PCDH7: variants seen among roughly 807,000 people sequenced by gnomAD.
PCDH7 encodes the protein protocadherin-7.
Under a neutral mutation model 58.9 loss-of-function variants are expected in PCDH7, and 17 were observed. The ratio of observed to expected loss-of-function variants is 0.29; its 90% confidence interval spans 0.20 to 0.43. The LOEUF (loss-of-function observed/expected upper bound fraction) is 0.43, where lower values mean the gene tolerates loss of function less well. Ranked by LOEUF, PCDH7 falls within the 20% of genes least tolerant of loss-of-function variation. The probability of loss-of-function intolerance (pLI) is 1.00; values close to 1 mark genes in which losing one functional copy is unlikely to be tolerated. For missense variants in PCDH7, 1,274 were observed against 1,441.0 expected, an observed-to-expected ratio of 0.88 and a Z score of 1.88; for synonymous variants, 664 against 616.4, an observed-to-expected ratio of 1.08 and a Z score of -1.14.
chr4:30,721,402 TAGC>T lies in PCDH7; in HGVS notation c.-9_-7del, dbSNP rs768259538. Reference sequence around the variant, plus strand: ...AGGGGGCTGTGGTTAGAAGGAGCAGTAGCAGCAGCAGCAGGAGAAGATGCTGAG... The same window carrying T: ...AGGGGGCTGTGGTTAGAAGGAGCAGTAGCAGCAGCAGGAGAAGATGCTGAG... On this transcript the variant is annotated 5_prime_UTR_variant, in exon 1 of 2. Transcript: ENST00000361762. This position sits in a 1 kb window ranked among gnomAD's most constrained non-coding sequence, Gnocchi z 6.7. 2.2e-5 allele frequency: 32 copies of T among 1,471,658 alleles called. No individual in the cohort carries two copies. The highest frequency in any genetic ancestry group is 7.1e-5 in the Admixed American group (3 of 42,450). The allele number at this position is 1,471,658 out of a possible 1,614,324, so 91.2% of individuals were successfully genotyped here.
intron 3 of PCDH7, among the ~76,000 whole-genome samples, chr4:31,132,981 C>G (rs1214177320): frequency 6.6e-6 from 1 of 152,188 alleles, no homozygotes; most frequent in Non-Finnish European, 1.5e-5. Context: ...CTCCAAAGAA[C>G]TTACCTAAAA....
At chr4:31,015,118 T>C (rs1228938181) in intron 3 of PCDH7, among the ~76,000 whole-genome samples, 1 of 152,202 alleles carries the variant, frequency 6.6e-6, no homozygotes, top group Non-Finnish European at 1.5e-5. Flanking sequence ...TATATGTCAA[T>C]GGCTGACCCT....
chr4:31,060,098 T>G (rs1478946829), intron 3 of PCDH7, among the ~76,000 whole-genome samples: 2 of 151,716 alleles, frequency 1.3e-5, no homozygotes, highest in African/African-American at 4.8e-5. Flanking sequence ...TAAGTAGAAA[T>G]TTATACAAAT....
intron 1 of PCDH7, among the ~76,000 whole-genome samples, chr4:30,902,371 A>G (rs561327883): frequency 3.3e-4 from 50 of 152,200 alleles, no homozygotes; most frequent in South Asian, 6.2e-4. Context: ...TGATCTGCCA[A>G]TGTAAGCAGT....
downstream of PCDH7, among the ~76,000 whole-genome samples, chr4:30,735,136 G>A (rs1457826912): frequency 6.6e-6 from 1 of 152,128 alleles, no homozygotes; most frequent in Non-Finnish European, 1.5e-5. Context: ...GAGGGGGTAT[G>A]AAGAACAATC....
chr4:30,814,053 A>G (rs553856970), intron 1 of PCDH7, among the ~76,000 whole-genome samples: 357 of 152,248 alleles, frequency 2.3e-3, no homozygotes, highest in Non-Finnish European at 3.7e-3. Flanking sequence ...TATTTTTTAT[A>G]TTTTGATAAG....
intron 2 of PCDH7, among the ~76,000 whole-genome samples, chr4:30,946,216 G>A (rs1178847766): frequency 6.6e-6 from 1 of 152,070 alleles, no homozygotes; most frequent in Non-Finnish European, 1.5e-5. Flanking sequence ...TATGCAGCAG[G>A]GGAATAATCT....
At position 30,856,721 on chromosome 4, in the gene PCDH7, T is replaced by C. The variant is rs1280295823; in HGVS notation, c.71-63432T>C. Among the ~76,000 whole-genome samples the C allele has an allele frequency of 4.7e-5, 7 of 150,264 alleles. No homozygotes were observed. The South Asian group carries it at 6.3e-4, about 13-fold the overall frequency. ...AAAAAAAAAAAAATATATATATATA[T>C]ACATGCTTTAAACAAGTGTAAGCCA... On this transcript the variant is annotated intron_variant, in intron 1 of 3. Coordinates refer to the PCDH7 transcript ENST00000509759.
chr4:30,913,549 A>C (rs887325729), intron 1 of PCDH7, among the ~76,000 whole-genome samples: 3 of 152,150 alleles, frequency 2.0e-5, no homozygotes, highest in Non-Finnish European at 4.4e-5. Flanking sequence ...AGAGCTTTTC[A>C]TGTCATCTCT....
intron 3 of PCDH7, among the ~76,000 whole-genome samples, chr4:30,992,837 C>T (rs111878002): frequency 2.5e-4 from 32 of 127,898 alleles, no homozygotes; most frequent in African/African-American, 7.4e-4. Context: ...CTTGCTCTGT[C>T]GCCAAGGCTG....
chr4:31,015,974 C>T (rs1380345359), intron 3 of PCDH7, among the ~76,000 whole-genome samples: 1 of 152,076 alleles, frequency 6.6e-6, no homozygotes, highest in African/African-American at 2.4e-5. Flanking sequence ...GGTATGGTTA[C>T]CAAGATACAT....
intron 1 of PCDH7, among the ~76,000 whole-genome samples, chr4:30,784,854 G>A (rs915320318): frequency 1.3e-5 from 2 of 151,964 alleles, no homozygotes; most frequent in Admixed American, 6.6e-5. Flanking sequence ...TGAAAGAGGT[G>A]TATTCCACAA....
intron 3 of PCDH7, among the ~76,000 whole-genome samples, chr4:30,974,985 G>C (rs1439237891): frequency 1.3e-5 from 2 of 152,098 alleles, no homozygotes; most frequent in East Asian, 3.9e-4. Flanking sequence ...AGAACCATTA[G>C]AGCAAGGAGA....
At chr4:30,990,985 G>T (rs943758072) in intron 3 of PCDH7, among the ~76,000 whole-genome samples, 1 of 152,106 alleles carries the variant, frequency 6.6e-6, no homozygotes, top group East Asian at 1.9e-4. Context: ...TAGCAAGGAA[G>T]AGAAGTATTC....
chr4:31,075,449 C>T (rs1758902946), intron 3 of PCDH7, among the ~76,000 whole-genome samples: 1 of 152,138 alleles, frequency 6.6e-6, no homozygotes, highest in Non-Finnish European at 1.5e-5. Context: ...TAATTTCTAC[C>T]TCTGTAGTAT....
intron 1 of PCDH7, among the ~76,000 whole-genome samples, chr4:30,797,793 T>C (rs1189131099): frequency 1.3e-5 from 2 of 152,136 alleles, no homozygotes; most frequent in African/African-American, 4.8e-5. Flanking sequence ...AATTGGAAAA[T>C]TACGTGTTTT....
chr4:30,943,613 CA>C, intron 2 of PCDH7, among the ~76,000 whole-genome samples: 1 of 152,080 alleles, frequency 6.6e-6, no homozygotes, highest in East Asian at 1.9e-4. Context: ...CACTGCTGGC[CA>C]ACTCTTCCTT....
At chr4:31,025,140 A>T (rs974033566) in intron 3 of PCDH7, among the ~76,000 whole-genome samples, 2 of 152,168 alleles carry the variant, frequency 1.3e-5, no homozygotes, top group Non-Finnish European at 2.9e-5. Context: ...TTATTTTTTT[A>T]GCTGGTGTAA....
At chr4:30,793,665 AT>A (rs1012191314) in intron 1 of PCDH7, among the ~76,000 whole-genome samples, 1 of 152,132 alleles carries the variant, frequency 6.6e-6, no homozygotes, top group African/African-American at 2.4e-5. Flanking sequence ...TTCAGAACAG[AT>A]TTTTTTAAAA....
Sources: gnomAD v4.1 joint callset for allele counts (sites outside exome capture counted in the v4.1 genomes callset) on GRCh38, gnomAD v4.1.1 for gene constraint, Gnocchi (gnomAD v3.1) non-coding constraint, MANE v1.5 for transcripts, NCBI Gene and HGNC (gene_info 2026-07-23, HGNC 2026-07-21) for gene names.